Variants in DIS3L2 observed in about 807,000 individuals in gnomAD.
DIS3L2 encodes the protein DIS3 like 3'-5' exoribonuclease 2.
Under a neutral mutation model 97.5 loss-of-function variants are expected in DIS3L2, and 34 were observed. That is an observed-to-expected ratio of 0.35 (90% CI 0.27 to 0.46). The LOEUF is 0.46. Among genes scored for constraint, DIS3L2 ranks in the 20% least tolerant of loss-of-function variants. The pLI is 1.00. For missense variants in DIS3L2, 1,038 were observed against 1,146.0 expected, an observed-to-expected ratio of 0.91 and a Z score of 1.36; for synonymous variants, 435 against 445.2, an observed-to-expected ratio of 0.98 and a Z score of 0.29.
At chr2:231,977,948 C>G (rs543360549) in intron 1 of DIS3L2, among the ~76,000 whole-genome samples, 38 of 152,150 alleles carry the variant, frequency 2.5e-4, no homozygotes, top group Non-Finnish European at 4.6e-4. Flanking sequence ...ATTGCCCTTT[C>G]TTGTATCCCT....
chr2:232,067,833 G>A (rs1695893862), intron 5 of DIS3L2, among the ~76,000 whole-genome samples: 1 of 152,110 alleles, frequency 6.6e-6, no homozygotes, highest in Non-Finnish European at 1.5e-5. Context: ...TACTAATACA[G>A]TGCCGCTTAT....
At position 232,181,951 on chromosome 2, in the gene DIS3L2, C is replaced by T. The variant is rs182873836; in HGVS notation, c.1124+18319C>T. Among the ~76,000 whole-genome samples, 576 of 152,178 alleles carry T rather than the reference C, an allele frequency of 3.8e-3. 1 individual carries two copies. Among genetic ancestry groups the T allele is most frequent in the Non-Finnish European group, 4.0e-3 (273 of 68,008 alleles). Reference sequence around the variant, plus strand: ...ACAGGCGTGAGCCACCGTGCCCGGGCGCCTGGCTAATTTTTGTATTTATTT... The same window carrying T: ...ACAGGCGTGAGCCACCGTGCCCGGGTGCCTGGCTAATTTTTGTATTTATTT... On this transcript the variant is annotated intron_variant, in intron 9 of 20. Coordinates refer to ENST00000325385, the MANE Select transcript of DIS3L2 (RefSeq NM_152383.5).
chr2:232,184,372 G>A lies in DIS3L2; in HGVS notation c.1124+20740G>A, dbSNP rs900518694. Among the ~76,000 whole-genome samples, 4 of 152,142 alleles carry A rather than the reference G, an allele frequency of 2.6e-5. 1 individual carries two copies. The highest frequency in any genetic ancestry group is 9.7e-5 in the African/African-American group (4 of 41,418). ...AGATAGAATTTGAAAATAAGGTCGGGTGCGTGGCTCATACCTGTAATCCCA... is the reference window on the plus strand; with the variant it reads ...AGATAGAATTTGAAAATAAGGTCGGATGCGTGGCTCATACCTGTAATCCCA... On this transcript the variant is annotated intron_variant, in intron 9 of 20. Coordinates refer to ENST00000325385, the MANE Select transcript of DIS3L2 (RefSeq NM_152383.5).
intron 6 of DIS3L2, among the ~76,000 whole-genome samples, chr2:232,096,733 A>G (rs200095590): frequency 1.5e-5 from 2 of 131,112 alleles, no homozygotes; most frequent in African/African-American, 5.8e-5. Context: ...TCAGTATGTC[A>G]GTTTCATTTT....
At chr2:231,968,932 A>T (rs926973275) in intron 1 of DIS3L2, among the ~76,000 whole-genome samples, 2 of 152,164 alleles carry the variant, frequency 1.3e-5, no homozygotes, top group Non-Finnish European at 2.9e-5. Context: ...GGTTTCCCCC[A>T]TGCTGTTCTT....
At chr2:232,045,861 G>T (rs1695227798) in intron 5 of DIS3L2, among the ~76,000 whole-genome samples, 1 of 151,872 alleles carries the variant, frequency 6.6e-6, no homozygotes. Flanking sequence ...TTTTAGTAGA[G>T]GTGGGGTTTC....
chr2:232,139,552 T>C (rs1698453887), intron 8 of DIS3L2, among the ~76,000 whole-genome samples: 1 of 152,170 alleles, frequency 6.6e-6, no homozygotes, highest in Admixed American at 6.5e-5. Context: ...GTGGGACTCC[T>C]GGGAAAGAGC....
chr2:232,334,100 G>A (rs1248608650), intron 17 of DIS3L2, 113 bp downstream of exon 17: 23 of 1,461,178 alleles, frequency 1.6e-5, no homozygotes, highest in Non-Finnish European at 1.3e-5. Flanking sequence ...GAGGTCCAAG[G>A]GTCGGGCGAC....
At chr2:232,078,994 A>T (rs147488115) in intron 5 of DIS3L2, among the ~76,000 whole-genome samples, 2 of 152,350 alleles carry the variant, frequency 1.3e-5, no homozygotes, top group East Asian at 3.9e-4. Flanking sequence ...TATTAGATAC[A>T]GTGTGCCATC....
At chr2:232,081,605 G>A (rs957017602) in intron 5 of DIS3L2, among the ~76,000 whole-genome samples, 19 of 152,010 alleles carry the variant, frequency 1.2e-4, no homozygotes, top group African/African-American at 3.6e-4. Context: ...GAATAAATGC[G>A]TAGAATTCTC....
At chr2:232,335,929 T>G (rs1695929385) in intron 20 of DIS3L2, 55 bp downstream of exon 20, 1 of 1,548,074 alleles carries the variant, frequency 6.5e-7, no homozygotes, top group Non-Finnish European at 8.7e-7. Context: ...CTCTCCTGCC[T>G]CCTGCGGTGC....
chr2:231,973,791 A>G (rs1182360564), intron 1 of DIS3L2, among the ~76,000 whole-genome samples: 2 of 152,212 alleles, frequency 1.3e-5, no homozygotes, highest in African/African-American at 4.8e-5. Context: ...CATAGAGTTT[A>G]GTTATGGCTT....
At chr2:232,062,898 G>A (rs1212064952) in intron 5 of DIS3L2, among the ~76,000 whole-genome samples, 2 of 151,154 alleles carry the variant, frequency 1.3e-5, no homozygotes, top group African/African-American at 2.4e-5. Context: ...TTTTCACATG[G>A]ATATCTCCAA....
intron 9 of DIS3L2, among the ~76,000 whole-genome samples, chr2:232,209,897 C>T (rs1358008875): frequency 1.3e-5 from 2 of 152,190 alleles, no homozygotes; most frequent in African/African-American, 4.8e-5. Context: ...AACTCTACGG[C>T]CCAAAGTTTT....
chr2:232,207,985 A>G (rs1328197894), intron 9 of DIS3L2, among the ~76,000 whole-genome samples: 2 of 151,776 alleles, frequency 1.3e-5, no homozygotes, highest in Non-Finnish European at 3.0e-5. Context: ...AAGGGAAAAA[A>G]ATTAATCCAT....
chr2:232,035,538 A>G (rs1019460510), intron 5 of DIS3L2, among the ~76,000 whole-genome samples: 1 of 152,198 alleles, frequency 6.6e-6, no homozygotes, highest in East Asian at 1.9e-4. Context: ...TGATCCTGTC[A>G]TTACGATGCT....
At chr2:232,039,120 G>T (rs1266952443) in intron 5 of DIS3L2, among the ~76,000 whole-genome samples, 2 of 152,128 alleles carry the variant, frequency 1.3e-5, no homozygotes, top group Non-Finnish European at 2.9e-5. Context: ...GTTAACGTCA[G>T]CCCCATTAGG....
chr2:232,335,891 G>A lies in DIS3L2; in HGVS notation c.2496+17G>A. The A allele has an allele frequency of 6.5e-7, 1 of 1,549,974 alleles. No individual in the cohort carries two copies. Among genetic ancestry groups the A allele is most frequent in the South Asian group, 1.2e-5 (1 of 84,036 alleles). ...GCACAGCAGGTCAGAACCCCTCTGTGTCCCAGCCCCCTAAGTCCTGATGAC... is the reference window on the plus strand; with the variant it reads ...GCACAGCAGGTCAGAACCCCTCTGTATCCCAGCCCCCTAAGTCCTGATGAC... On this transcript the variant is annotated intron_variant, in intron 20 of 20. Coordinates refer to ENST00000325385, the MANE Select transcript of DIS3L2 (RefSeq NM_152383.5).
chr2:232,323,324 T>C (rs1230074281), intron 14 of DIS3L2, among the ~76,000 whole-genome samples: 1 of 152,220 alleles, frequency 6.6e-6, no homozygotes, highest in Non-Finnish European at 1.5e-5. Context: ...AAGGGCCTTC[T>C]GCACTGTCAG....
Sources: gnomAD v4.1 joint callset for allele counts (sites outside exome capture counted in the v4.1 genomes callset) on GRCh38, gnomAD v4.1.1 for gene constraint, MANE v1.5 for transcripts, NCBI Gene and HGNC (gene_info 2026-07-23, HGNC 2026-07-21) for gene names.